The following UMODL1 variants were observed in gnomAD, a reference collection of about 807,000 sequenced individuals.
The protein encoded by UMODL1 is uromodulin-like 1.
In UMODL1, 128 loss-of-function variants were observed where a neutral mutation model predicts 136.3. The ratio of observed to expected loss-of-function variants is 0.94; its 90% CI spans 0.81 to 1.09. UMODL1 has a LOEUF of 1.09. Among genes scored for constraint, UMODL1 ranks in the 50% least tolerant of loss-of-function variants. The pLI is 0.00. For synonymous variants in UMODL1, 721 were observed against 720.0 expected, an observed-to-expected ratio of 1.00 and a Z score of -0.02; for missense variants, 1,766 against 1,725.6, an observed-to-expected ratio of 1.02 and a Z score of -0.41.
chr21:42,117,109 C>A (rs1170628974), intron 14 of UMODL1, among the ~76,000 whole-genome samples: 1 of 152,192 alleles, frequency 6.6e-6, no homozygotes, highest in East Asian at 1.9e-4. Flanking sequence ...TCCCTCTCGC[C>A]ACTTCCTCCA....
rs537232636 is a variant in UMODL1 at position 42,132,268 on chromosome 21, CATTCATCT to C, written c.3775+2482_3775+2489del. Among the ~76,000 whole-genome samples, 298 of 151,656 alleles carry C rather than the reference CATTCATCT, an allele frequency of 2.0e-3. 1 individual carries two copies. Among genetic ancestry groups the C allele is most frequent in the African/African-American group, 6.8e-3 (282 of 41,326 alleles). ...TTGGTCATCCATCTATCCACCCATT[CATTCATCT>C]ATTCATCTATCATCCATCCATCCAT... On this transcript the variant is annotated intron_variant, in intron 21 of 22. Coordinates refer to ENST00000408910, the MANE Select transcript of UMODL1 (RefSeq NM_001004416.3).
Position 42,085,385 on chromosome 21 carries a change from G to A in UMODL1, c.576G>A (p.Leu192=). 6.2e-7 allele frequency: 1 copy of A among 1,614,030 alleles called. No homozygotes were observed. Among genetic ancestry groups the A allele is most frequent in the South Asian group, 1.1e-5 (1 of 91,080 alleles). The change falls in exon 4 of 23, where the codon CTG becomes CTA. Residue 192 remains leucine, a synonymous_variant. Coordinates refer to ENST00000408910, the MANE Select transcript of UMODL1 (RefSeq NM_001004416.3). The surrounding 1 kb of genome is among the most constrained non-coding windows in gnomAD (Gnocchi z 4.5). ...KELQQVDPRL[L]NHMRLLHSLV... Reference sequence around the variant, plus strand: ...TCCAGCAAGTGGACCCCAGGCTCCTGAACCACATGCGCCTTCTGCATTCCT... The same window carrying A: ...TCCAGCAAGTGGACCCCAGGCTCCTAAACCACATGCGCCTTCTGCATTCCT...
In UMODL1 at chr21:42,137,636, A is replaced by G; in HGVS notation, c.*16A>G. On this transcript the variant is annotated 3_prime_UTR_variant, in exon 22 of 23. Coordinates refer to ENST00000408910, the MANE Select transcript of UMODL1 (RefSeq NM_001004416.3). ...CTACGAATAGGAGGCGCAGGCTGAC[A>G]GGAAGGTGGGTGCGGAGTGGGGTGG... The G allele has an allele frequency of 9.6e-7, 1 of 1,043,806 alleles. No individual in the cohort carries two copies. Among genetic ancestry groups the G allele is most frequent in the Non-Finnish European group, 1.3e-6 (1 of 785,614 alleles). The allele number at this position is 1,043,806 out of a possible 1,614,324, so 64.7% of individuals were successfully genotyped here.
At chr21:42,133,428 C>T (rs754099542) in intron 21 of UMODL1, among the ~76,000 whole-genome samples, 7 of 152,346 alleles carry the variant, frequency 4.6e-5, no homozygotes, top group Non-Finnish European at 7.4e-5. Flanking sequence ...AACCCACTCT[C>T]CTCTCTCTGT....
In UMODL1 at chr21:42,095,089, G is replaced by GTTTTTTTTTTTTTTTTTTTTTTT. The variant is rs58764222; in HGVS notation, c.932-3836_932-3814dup. Among the ~76,000 whole-genome samples, 9 of 61,186 alleles carry GTTTTTTTTTTTTTTTTTTTTTTT rather than the reference G, an allele frequency of 1.5e-4. 2 individuals carry two copies. Among genetic ancestry groups the GTTTTTTTTTTTTTTTTTTTTTTT allele is most frequent in the Admixed American group, 2.8e-4 (1 of 3,548 alleles). 40.1% of individuals were successfully genotyped at this position (61,186 alleles called of 152,430 possible). Reference sequence around the variant, plus strand: ...CATCACTCCTTTGTTTTCTTCTGCTGTTTTTTTTTTTTTTTTTTTTTTTGA... The same window carrying GTTTTTTTTTTTTTTTTTTTTTTT: ...CATCACTCCTTTGTTTTCTTCTGCTGTTTTTTTTTTTTTTTTTTTTTTTTTTTTTTTTTTTTTTTTTTTTTTGA... On this transcript the variant is annotated intron_variant, in intron 6 of 22. Coordinates refer to ENST00000408910, the MANE Select transcript of UMODL1 (RefSeq NM_001004416.3).
chr21:42,127,303 G>T lies in UMODL1; in HGVS notation c.3530+61G>T, dbSNP rs1569175635. The T allele has an allele frequency of 4.1e-6, 6 of 1,472,198 alleles. No homozygotes were observed. The East Asian group carries it at 1.1e-4, about 28-fold the overall frequency. 91.2% of individuals were successfully genotyped at this position (1,472,198 alleles called of 1,614,324 possible). A position where few individuals can be genotyped will look rare whatever the true frequency, so the allele number is the denominator to read the frequency against. On this transcript the variant is annotated intron_variant, in intron 19 of 22. Transcript: ENST00000408910. ...ATGCCTGGGGCTTTATTAACAATAG[G>T]TAGGGCTCAAGAATGCAGACATCCC...
In UMODL1 at chr21:42,088,312, C is replaced by A; in HGVS notation, c.622C>A (p.Pro208Thr). The A allele has an allele frequency of 6.2e-7, 1 of 1,613,262 alleles. No homozygotes were observed. The change falls in exon 5 of 23, where the codon CCA becomes ACA. Residue 208 changes from proline (P) to threonine (T), a missense_variant. Physicochemically the swap from Pro to Thr is conservative, Grantham distance 38 (BLOSUM62 -1). Transcript: ENST00000408910. ...LHSLVTSALQPMASTVHHLHS... is the reference protein window; with the variant it reads ...LHSLVTSALQTMASTVHHLHS... ...TTCACAGGTCACCAGCGCCCTGCAA[C>A]CAATGGCCTCCACCGTCCACCACCT...
Position 42,099,314 on chromosome 21 carries a change from C to T in UMODL1, c.1186+134C>T, listed in dbSNP as rs2066598410. 2.3e-6 allele frequency: 3 copies of T among 1,310,984 alleles called. No individual in the cohort carries two copies. The highest frequency in any genetic ancestry group is 3.1e-5 in the South Asian group (2 of 65,456). 81.2% of individuals were successfully genotyped at this position (1,310,984 alleles called of 1,614,324 possible). Reference sequence around the variant, plus strand: ...GTCACTGACCGCCCTGCACTTCCTCCCTCCCCTCCCAGTCATCCCACTGCC... The same window carrying T: ...GTCACTGACCGCCCTGCACTTCCTCTCTCCCCTCCCAGTCATCCCACTGCC... On this transcript the variant is annotated intron_variant, in intron 7 of 22. Coordinates refer to ENST00000408910, the MANE Select transcript of UMODL1 (RefSeq NM_001004416.3). This position sits in a 1 kb window ranked among gnomAD's most constrained non-coding sequence, Gnocchi z 4.1.
At chr21:42,111,918 C>A (rs909815485) in intron 12 of UMODL1, among the ~76,000 whole-genome samples, 1 of 152,154 alleles carries the variant, frequency 6.6e-6, no homozygotes, top group Non-Finnish European at 1.5e-5. Context: ...TTGCCTGTCC[C>A]AGATCTCTCT....
intron 13 of UMODL1, among the ~76,000 whole-genome samples, chr21:42,114,046 T>G (rs1170057448): frequency 6.6e-6 from 1 of 152,162 alleles, no homozygotes; most frequent in Non-Finnish European, 1.5e-5. Flanking sequence ...CCCACGGGTA[T>G]GGAGGCGGCA....
upstream of UMODL1, among the ~76,000 whole-genome samples, chr21:42,067,778 C>A (rs1341124075): frequency 6.6e-6 from 1 of 152,264 alleles, no homozygotes; most frequent in Non-Finnish European, 1.5e-5. Context: ...CAGGCCCATG[C>A]TGCTCCTTGG....
chr21:42,134,755 C>T (rs1272817234), intron 21 of UMODL1, among the ~76,000 whole-genome samples: 2 of 151,238 alleles, frequency 1.3e-5, no homozygotes, highest in Non-Finnish European at 2.9e-5. Context: ...GCTGGGACTA[C>T]AGGCGCGCAC....
rs1407654378 is a variant in UMODL1 at position 42,111,621 on chromosome 21, C to CG, written c.2016dup (p.Trp673ValfsTer5). On this transcript the variant is annotated frameshift_variant, in exon 12 of 23. Transcript: ENST00000408910. LOFTEE classifies it high-confidence loss of function. ...ACCCGGGAAACACTTCTGAATCCCA[C>CG]GTGGCTGCGAAATGAGGACAGTGGA... is the stretch of plus-strand genomic sequence containing the variant. 3 of 1,613,998 alleles carry CG rather than the reference C, an allele frequency of 1.9e-6. No homozygotes were observed. Among genetic ancestry groups the CG allele is most frequent in the Non-Finnish European group, 1.7e-6 (2 of 1,180,002 alleles).
In UMODL1 at chr21:42,102,334, A is replaced by G. The variant is rs1308363946; in HGVS notation, c.1299+56A>G. ...CTTGGGTGTTCTGAGTGAGGACATC[A>G]AACACAAGCCGTTAATTCCTGCCCA... On this transcript the variant is annotated intron_variant, in intron 8 of 22. Transcript: ENST00000408910. 3.1e-6 allele frequency: 4 copies of G among 1,298,828 alleles called. No homozygotes were observed. The African/African-American group carries it at 5.8e-5, about 19-fold the overall frequency. 80.5% of individuals were successfully genotyped at this position (1,298,828 alleles called of 1,614,324 possible). A position where few individuals can be genotyped will look rare whatever the true frequency, so the allele number is the denominator to read the frequency against.
At chr21:42,128,722 G>A (rs953995156) in intron 20 of UMODL1, among the ~76,000 whole-genome samples, 2 of 152,230 alleles carry the variant, frequency 1.3e-5, no homozygotes, top group African/African-American at 4.8e-5. Flanking sequence ...ACAGGAGCAC[G>A]GACAGCCACC....
Position 42,113,670 on chromosome 21 carries a change from G to A in UMODL1, c.2202G>A (p.Gln734=). 1.9e-6 allele frequency: 3 copies of A among 1,614,048 alleles called. No individual in the cohort carries two copies. Among genetic ancestry groups the A allele is most frequent in the South Asian group, 2.2e-5 (2 of 91,084 alleles). ...EADLAMDSTF[Q]LTLTSMWSPA... ...ATCTTGCTATGGACTCCACCTTCCAGCTCACTCTGACTTCCATGTGGAGCC... is the reference window on the plus strand; with the variant it reads ...ATCTTGCTATGGACTCCACCTTCCAACTCACTCTGACTTCCATGTGGAGCC... The change falls in exon 13 of 23, where the codon CAG becomes CAA. Residue 734 remains glutamine, a synonymous_variant. Coordinates refer to ENST00000408910, the MANE Select transcript of UMODL1 (RefSeq NM_001004416.3).
intron 22 of UMODL1, among the ~76,000 whole-genome samples, 189 bp from the exon 23 acceptor site, chr21:42,141,907 C>G (rs574673926): frequency 9.2e-5 from 14 of 152,350 alleles, no homozygotes; most frequent in African/African-American, 3.4e-4. Context: ...CCCCATGGTC[C>G]CCGTTCCACT....
chr21:42,127,587 A>T (rs1601272911), intron 19 of UMODL1, 85 bp from the exon 20 acceptor site: 1 of 1,428,808 alleles, frequency 7.0e-7, no homozygotes. Context: ...GAGTGTCGTC[A>T]GATGTAGTCG....
At chr21:42,063,961 CA>C (rs2066162554) in intron 1 of UMODL1, among the ~76,000 whole-genome samples, 1 of 152,160 alleles carries the variant, frequency 6.6e-6, no homozygotes, top group African/African-American at 2.4e-5. Context: ...GGGTGAAAAA[CA>C]AGAGATGCTC....
Sources: allele counts gnomAD v4.1 joint callset (sites outside exome capture counted in the v4.1 genomes callset), GRCh38; gene constraint gnomAD v4.1.1; non-coding constraint Gnocchi (gnomAD v3.1); transcripts MANE v1.5; gene names NCBI Gene and HGNC (gene_info 2026-07-23, HGNC 2026-07-21).